The following NDST4 variants were observed in gnomAD, a reference collection of about 807,000 sequenced individuals.
NDST4 encodes N-heparan sulfate sulfotransferase 4.
Under a neutral mutation model 100.8 loss-of-function variants are expected in NDST4, and 63 were observed. The ratio of observed to expected loss-of-function variants is 0.62; its 90% CI spans 0.51 to 0.77. The LOEUF is 0.77. Among genes scored for constraint, NDST4 ranks in the 30% least tolerant of loss-of-function variants. The probability of loss-of-function intolerance (pLI) is 0.00; values close to 1 mark genes in which losing one functional copy is unlikely to be tolerated. For missense variants in NDST4, 943 were observed against 1,018.4 expected (o/e 0.93, Z 1.01); for synonymous variants, 377 against 361.8 (o/e 1.04, Z -0.48).
chr4:114,967,841 T>C (rs1393783098), intron 4 of NDST4, among the ~76,000 whole-genome samples: 1 of 152,184 alleles, frequency 6.6e-6, no homozygotes, highest in Non-Finnish European at 1.5e-5. Flanking sequence ...TCCTCTGTAT[T>C]TAGAAAGGTC....
At chr4:114,831,754 A>C (rs1393994033) in intron 12 of NDST4, among the ~76,000 whole-genome samples, 1 of 152,096 alleles carries the variant, frequency 6.6e-6, no homozygotes, top group African/African-American at 2.4e-5. Context: ...AATCTACATG[A>C]TTTTGCTGTC....
chr4:114,983,340 A>G (rs1726822775), intron 2 of NDST4, among the ~76,000 whole-genome samples: 1 of 152,206 alleles, frequency 6.6e-6, no homozygotes, highest in Non-Finnish European at 1.5e-5. Context: ...TGTACCCTTC[A>G]AAACCACAGG....
intron 1 of NDST4, among the ~76,000 whole-genome samples, chr4:115,081,379 C>G (rs1729299767): frequency 1.3e-5 from 2 of 152,072 alleles, no homozygotes; most frequent in African/African-American, 4.8e-5. Context: ...ACCTATGTCT[C>G]ACACCTGAAG....
chr4:114,965,289 A>G (rs934973294), intron 4 of NDST4, among the ~76,000 whole-genome samples: 1 of 152,076 alleles, frequency 6.6e-6, no homozygotes, highest in Admixed American at 6.6e-5. Context: ...TCATTATACT[A>G]TTAATTTGTT....
chr4:114,973,807 T>A (rs888466286), intron 3 of NDST4, among the ~76,000 whole-genome samples: 2 of 151,842 alleles, frequency 1.3e-5, no homozygotes, highest in African/African-American at 4.8e-5. Flanking sequence ...ATTTGTGTAA[T>A]TTGTATAAAA....
intron 1 of NDST4, among the ~76,000 whole-genome samples, chr4:115,087,931 CTTAT>C (rs1360042053): frequency 6.6e-6 from 1 of 151,414 alleles, no homozygotes; most frequent in African/African-American, 2.4e-5. Context: ...TTAACAAATT[CTTAT>C]TTCTTTCTAT....
chr4:115,029,245 T>G (rs1475012524), intron 2 of NDST4, among the ~76,000 whole-genome samples: 1 of 151,946 alleles, frequency 6.6e-6, no homozygotes, highest in Non-Finnish European at 1.5e-5. Context: ...GAATAAGCAG[T>G]GAGCATGTTA....
intron 6 of NDST4, among the ~76,000 whole-genome samples, chr4:114,875,662 CAATT>C (rs1206567989): frequency 1.3e-5 from 2 of 152,048 alleles, no homozygotes; most frequent in Non-Finnish European, 2.9e-5. Flanking sequence ...GCAAATTATA[CAATT>C]AATTGTTTTT....
intron 7 of NDST4, among the ~76,000 whole-genome samples, chr4:114,864,193 A>T (rs1423792479): frequency 6.6e-6 from 1 of 152,218 alleles, no homozygotes; most frequent in Non-Finnish European, 1.5e-5. Flanking sequence ...CCTATTCTAG[A>T]TAACTAGGAC....
intron 1 of NDST4, among the ~76,000 whole-genome samples, chr4:115,113,169 G>C (rs1308106040): frequency 6.6e-6 from 1 of 151,786 alleles, no homozygotes; most frequent in African/African-American, 2.4e-5. Flanking sequence ...CAAATGTTCC[G>C]GCAACTGTTT....
intron 1 of NDST4, among the ~76,000 whole-genome samples, chr4:115,081,699 G>C (rs570079502): frequency 6.6e-6 from 1 of 152,242 alleles, no homozygotes; most frequent in Non-Finnish European, 1.5e-5. Flanking sequence ...TTTTTAAGTA[G>C]TCTAAGGTGA....
At chr4:114,958,858 C>A (rs542682590) in intron 4 of NDST4, among the ~76,000 whole-genome samples, 2 of 152,152 alleles carry the variant, frequency 1.3e-5, no homozygotes, top group South Asian at 4.1e-4. Context: ...TGCTCTGCTT[C>A]CCTTTTAAAT....
intron 7 of NDST4, among the ~76,000 whole-genome samples, chr4:114,854,460 T>C (rs1723747448): frequency 6.6e-6 from 1 of 152,116 alleles, no homozygotes; most frequent in African/African-American, 2.4e-5. Flanking sequence ...ATCTCTTCAA[T>C]ATACTGATTT....
chr4:114,961,441 G>A (rs748978709), intron 4 of NDST4, among the ~76,000 whole-genome samples: 2 of 151,910 alleles, frequency 1.3e-5, no homozygotes, highest in Non-Finnish European at 2.9e-5. Context: ...AACTAAATTG[G>A]AAAAACTTTA....
chr4:115,048,726 C>T (rs1448611950), intron 2 of NDST4, among the ~76,000 whole-genome samples: 1 of 152,088 alleles, frequency 6.6e-6, no homozygotes, highest in African/African-American at 2.4e-5. Context: ...CAACCTCCGC[C>T]TCCGTGGTTC....
chr4:114,975,538 T>G (rs1008423360), intron 3 of NDST4, among the ~76,000 whole-genome samples: 13 of 152,270 alleles, frequency 8.5e-5, no homozygotes, highest in Admixed American at 2.0e-4. Context: ...TCCCAGTGGT[T>G]GTGTACTCTA....
rs938216250 is a variant in NDST4, at chr4:114,974,146, T to C, written c.1066+3041A>G. On this transcript the variant is annotated intron_variant, in intron 3 of 13. Coordinates refer to ENST00000264363, the MANE Select transcript of NDST4 (RefSeq NM_022569.3). ...TATTATTATCCCCATTTGGTAGATA[T>C]ATAAACTGAGGCACAGAAAATTTAA... 3.3e-5 allele frequency among the ~76,000 whole-genome samples: 5 copies of C among 152,038 alleles called. No individual in the cohort carries two copies. In the South Asian group the frequency reaches 6.2e-4, roughly 19 times the overall value.
intron 4 of NDST4, among the ~76,000 whole-genome samples, chr4:114,940,441 T>G (rs1245094127): frequency 6.6e-6 from 1 of 152,246 alleles, no homozygotes. Context: ...TGATCATATC[T>G]TCTTTTAATT....
At chr4:114,847,939 T>C (rs1480287719) in intron 9 of NDST4, among the ~76,000 whole-genome samples, 2 of 152,230 alleles carry the variant, frequency 1.3e-5, no homozygotes, top group Non-Finnish European at 2.9e-5. Flanking sequence ...TTAAAGAGAA[T>C]TTTAAATACC....
Sources: gnomAD v4.1 joint callset for allele counts (sites outside exome capture counted in the v4.1 genomes callset) on GRCh38, gnomAD v4.1.1 for gene constraint, MANE v1.5 for transcripts, NCBI Gene and HGNC (gene_info 2026-07-23, HGNC 2026-07-21) for gene names.